The following CNTN5 variants were observed in gnomAD, a reference collection of about 807,000 sequenced individuals.
CNTN5 encodes contactin 5.
In CNTN5, 77 loss-of-function variants were observed where a neutral mutation model predicts 129.1. The ratio of observed to expected loss-of-function variants is 0.60; its 90% CI spans 0.50 to 0.72. The LOEUF is 0.72. CNTN5 is among the 30% of genes least tolerant of loss of function. The pLI is 0.00. For synonymous variants in CNTN5, 509 were observed against 465.6 expected, an observed-to-expected ratio of 1.09 and a Z score of -1.20; for missense variants, 1,478 against 1,328.8, an observed-to-expected ratio of 1.11 and a Z score of -1.75.
intron 2 of CNTN5, among the ~76,000 whole-genome samples, chr11:99,375,054 G>A (rs528062858): frequency 4.6e-5 from 7 of 152,142 alleles, no homozygotes; most frequent in Non-Finnish European, 8.8e-5. Context: ...TGTAATCCCA[G>A]CCCTTTGGGA....
chr11:99,425,290 G>A (rs1210549649), intron 2 of CNTN5, among the ~76,000 whole-genome samples: 3 of 152,194 alleles, frequency 2.0e-5, no homozygotes, highest in East Asian at 1.9e-4. Context: ...CTGGCAGCCC[G>A]GCCCTCAGGC....
At chr11:99,305,662 G>C (rs149940314) in intron 1 of CNTN5, among the ~76,000 whole-genome samples, 126 of 152,234 alleles carry the variant, frequency 8.3e-4, no homozygotes, top group African/African-American at 2.9e-3. Flanking sequence ...AAGAAGAAAA[G>C]TGTGCAGCTC....
chr11:100,174,936 C>T (rs1362754441), intron 13 of CNTN5, among the ~76,000 whole-genome samples: 1 of 152,126 alleles, frequency 6.6e-6, no homozygotes, highest in Non-Finnish European at 1.5e-5. Flanking sequence ...TCCAGCTAAA[C>T]TTTATCTAGA....
intron 13 of CNTN5, among the ~76,000 whole-genome samples, chr11:100,179,136 C>T (rs926314648): frequency 2.6e-5 from 4 of 152,072 alleles, no homozygotes; most frequent in Admixed American, 2.0e-4. Flanking sequence ...TGTAGTTATC[C>T]TGTTGTGCTC....
intron 16 of CNTN5, among the ~76,000 whole-genome samples, chr11:100,234,345 G>A (rs1419960596): frequency 6.6e-6 from 1 of 152,144 alleles, no homozygotes; most frequent in Non-Finnish European, 1.5e-5. Context: ...ACATGCACAT[G>A]TATGTTTATT....
intron 2 of CNTN5, among the ~76,000 whole-genome samples, chr11:99,378,847 T>C (rs2136152205): frequency 6.6e-6 from 1 of 152,250 alleles, no homozygotes; most frequent in Non-Finnish European, 1.5e-5. Context: ...TGATATACAC[T>C]GAACATATTA....
rs200703469 is a variant in CNTN5 at position 99,783,131 on chromosome 11, A to T, written c.56-36413A>T. 1.4e-4 allele frequency among the ~76,000 whole-genome samples: 8 copies of T among 57,758 alleles called. 1 individual carries two copies. The East Asian group carries it at 5.0e-3, about 36-fold the overall frequency. The allele number at this position is 57,758 out of a possible 152,430, so 37.9% of individuals were successfully genotyped here. On this transcript the variant is annotated intron_variant, in intron 3 of 24. Coordinates refer to ENST00000524871, the MANE Select transcript of CNTN5 (RefSeq NM_014361.4). ...TGAACTCAAACAAATTTACAAGAAA[A>T]AAACAACCCCATCAAAAAGTGGGCG...
At chr11:100,256,910 T>G (rs1950083413) in intron 17 of CNTN5, among the ~76,000 whole-genome samples, 1 of 151,848 alleles carries the variant, frequency 6.6e-6, no homozygotes. Flanking sequence ...GCAGGAGTGT[T>G]TTTTCATACC....
At chr11:100,019,277 T>A (rs1013097484) in intron 9 of CNTN5, among the ~76,000 whole-genome samples, 7 of 151,932 alleles carry the variant, frequency 4.6e-5, no homozygotes, top group African/African-American at 1.7e-4. Context: ...TAGTTTTATG[T>A]TTTCCATTTA....
intron 6 of CNTN5, among the ~76,000 whole-genome samples, chr11:99,866,107 T>C (rs2135789576): frequency 6.6e-6 from 1 of 152,330 alleles, no homozygotes; most frequent in South Asian, 2.1e-4. Flanking sequence ...TCTGAGGATG[T>C]AATTTTTTAA....
At chr11:100,059,593 G>C (rs1943378013) in intron 9 of CNTN5, among the ~76,000 whole-genome samples, 2 of 151,990 alleles carry the variant, frequency 1.3e-5, no homozygotes, top group East Asian at 3.9e-4. Context: ...ATCATGAAAA[G>C]ATGTTCAACC....
At chr11:100,169,798 G>A (rs1162301537) in intron 13 of CNTN5, among the ~76,000 whole-genome samples, 2 of 151,974 alleles carry the variant, frequency 1.3e-5, no homozygotes, top group Non-Finnish European at 2.9e-5. Flanking sequence ...TGTCTAGTTA[G>A]TATGACTAAG....
At chr11:99,487,227 A>AG (rs1945853495) in intron 2 of CNTN5, among the ~76,000 whole-genome samples, 1 of 152,224 alleles carries the variant, frequency 6.6e-6, no homozygotes, top group Admixed American at 6.5e-5. Flanking sequence ...ACTATACAGC[A>AG]AGGCTGACAC....
chr11:99,929,040 C>G (rs891241006), intron 7 of CNTN5, among the ~76,000 whole-genome samples: 1 of 152,142 alleles, frequency 6.6e-6, no homozygotes, highest in African/African-American at 2.4e-5. Flanking sequence ...ATCTCTCTCA[C>G]GTTTAAAGTT....
At chr11:99,298,798 C>T in intron 1 of CNTN5, among the ~76,000 whole-genome samples, 1 of 151,866 alleles carries the variant, frequency 6.6e-6, no homozygotes, top group South Asian at 2.1e-4. Context: ...CACCTCTGAC[C>T]AGAAACATTC....
At chr11:99,620,310 G>A (rs185488225) in intron 3 of CNTN5, among the ~76,000 whole-genome samples, 70 of 151,368 alleles carry the variant, frequency 4.6e-4, no homozygotes, top group African/African-American at 1.7e-3. Flanking sequence ...TTTTAACCTC[G>A]TCTTTATCTC....
chr11:99,461,071 A>T (rs750191496), intron 2 of CNTN5, among the ~76,000 whole-genome samples: 9 of 152,134 alleles, frequency 5.9e-5, no homozygotes, highest in Non-Finnish European at 1.3e-4. Context: ...CCCTCAAAAC[A>T]TATATGAATC....
intron 3 of CNTN5, among the ~76,000 whole-genome samples, chr11:99,735,019 AAAAAC>A (rs1943657548): frequency 6.6e-6 from 1 of 152,218 alleles, no homozygotes; most frequent in Non-Finnish European, 1.5e-5. Context: ...AAACAAAAAC[AAAAAC>A]AAAAGTTCTG....
At chr11:99,418,000 T>G (rs75829793) in intron 2 of CNTN5, among the ~76,000 whole-genome samples, 1 of 152,162 alleles carries the variant, frequency 6.6e-6, no homozygotes, top group Non-Finnish European at 1.5e-5. Context: ...TTCAGATTTA[T>G]GAATATATAG....
Sources: gnomAD v4.1 joint callset for allele counts (sites outside exome capture counted in the v4.1 genomes callset) on GRCh38, gnomAD v4.1.1 for gene constraint, MANE v1.5 for transcripts, NCBI Gene and HGNC (gene_info 2026-07-23, HGNC 2026-07-21) for gene names.